CCDC68: variants seen among roughly 807,000 people sequenced by gnomAD.
The protein encoded by CCDC68 is coiled-coil domain containing 68, also known as coiled-coil domain-containing protein 68.
A neutral mutation model predicts 47.1 loss-of-function variants in CCDC68; 45 were observed. The ratio of observed to expected loss-of-function variants is 0.96; its 90% confidence interval spans 0.75 to 1.23. CCDC68 has a LOEUF of 1.23. CCDC68 is among the 50% of genes most tolerant of loss of function. The pLI is 0.00. For missense variants in CCDC68, 353 were observed against 373.6 expected (o/e 0.94, Z 0.45); for synonymous variants, 131 against 129.5 (o/e 1.01, Z -0.08).
Position 54,942,711 on chromosome 18 carries a change from G to T in CCDC68, c.81C>A (p.Ser27=). The T allele has an allele frequency of 6.2e-7, 1 of 1,609,030 alleles. No individual in the cohort carries two copies. The highest frequency in any genetic ancestry group is 8.5e-7 in the Non-Finnish European group (1 of 1,177,106). Residue 27 remains serine, a synonymous_variant, in exon 3 of 12, where the codon TCC becomes TCA. Transcript: ENST00000591504. ...EDNSALYEST[S]AHIIEETEYV... ...ACTCGGTTTCTTCAATAATGTGAGCGGACGTAGACTCATACAAGGCAGAAT... is the reference window on the plus strand; with the variant it reads ...ACTCGGTTTCTTCAATAATGTGAGCTGACGTAGACTCATACAAGGCAGAAT...
In CCDC68 at chr18:54,902,889, T is replaced by A. The variant is rs138656441; in HGVS notation, c.*1469A>T. 6.8e-4 allele frequency: 103 copies of A among 152,342 alleles called. No individual in the cohort carries two copies. The highest frequency in any genetic ancestry group is 2.3e-3 in the African/African-American group (95 of 41,584). 9.4% of individuals were successfully genotyped at this position (152,342 alleles called of 1,614,324 possible). A position where few individuals can be genotyped will look rare whatever the true frequency, so the allele number is the denominator to read the frequency against. On this transcript the variant is annotated 3_prime_UTR_variant, in exon 12 of 12. Coordinates refer to ENST00000591504, the MANE Select transcript of CCDC68 (RefSeq NM_025214.3). ...AGTATCTTTCTCTGTAAAACAGGAA[T>A]AATCTGCTTCTGAGGGCCTTGGGGA...
At chr18:54,935,868 T>C (rs183979952) in intron 6 of CCDC68, among the ~76,000 whole-genome samples, 1 of 152,130 alleles carries the variant, frequency 6.6e-6, no homozygotes, top group Admixed American at 6.6e-5. Context: ...TAGTTTTAAT[T>C]TTGGCAAACA....
At position 54,925,580 on chromosome 18, in the gene CCDC68, A is replaced by G. The variant is rs534610686; in HGVS notation, c.683+3220T>C. ...GCTCTAAGAGGCTACTTCTGGGTAC[A>G]CTACAGATTATAGAGGCATTGGAAA... is the stretch of plus-strand genomic sequence containing the variant. On this transcript the variant is annotated intron_variant, in intron 8 of 11. Transcript: ENST00000591504. Among the ~76,000 whole-genome samples the G allele has an allele frequency of 2.0e-5, 3 of 152,326 alleles. No homozygotes were observed. In the South Asian group the frequency reaches 6.2e-4, roughly 32 times the overall value.
chr18:54,932,974 C>T (rs2044288705), intron 7 of CCDC68, among the ~76,000 whole-genome samples: 1 of 152,142 alleles, frequency 6.6e-6, no homozygotes. Context: ...TGGTGGTGTT[C>T]AAATATTTGT....
intron 10 of CCDC68, among the ~76,000 whole-genome samples, chr18:54,912,498 G>A (rs1284900014): frequency 1.3e-5 from 2 of 152,134 alleles, no homozygotes; most frequent in Non-Finnish European, 1.5e-5. Flanking sequence ...TTGAAAGCTA[G>A]AAGTAAGGTA....
chr18:54,937,753 C>A, intron 5 of CCDC68: 1 of 410,804 alleles, frequency 2.4e-6, no homozygotes, highest in Non-Finnish European at 4.4e-6. Flanking sequence ...AAGATATTTT[C>A]AATAACAAAA....
At chr18:54,931,917 G>C (rs1325152178) in intron 7 of CCDC68, among the ~76,000 whole-genome samples, 1 of 152,086 alleles carries the variant, frequency 6.6e-6, no homozygotes, top group Non-Finnish European at 1.5e-5. Context: ...TCTCCAGGGG[G>C]CACCTACGAC....
intron 11 of CCDC68, among the ~76,000 whole-genome samples, chr18:54,906,069 T>G (rs1292302008): frequency 6.6e-6 from 1 of 152,176 alleles, no homozygotes; most frequent in Non-Finnish European, 1.5e-5. Flanking sequence ...TTATAATTAT[T>G]TTATTATACA....
intron 10 of CCDC68, among the ~76,000 whole-genome samples, chr18:54,913,352 A>AT (rs923708890): frequency 6.6e-6 from 1 of 152,208 alleles, no homozygotes. Context: ...TCTGATGATC[A>AT]TTTTTCATAA....
intron 1 of CCDC68, among the ~76,000 whole-genome samples, chr18:54,958,814 G>A (rs2044755039): frequency 2.6e-5 from 4 of 152,178 alleles, no homozygotes; most frequent in Non-Finnish European, 5.9e-5. Context: ...AAAAGGTCAA[G>A]CAATGGGCTG....
intron 10 of CCDC68, among the ~76,000 whole-genome samples, chr18:54,913,369 T>A (rs772887289): frequency 6.6e-6 from 1 of 152,214 alleles, no homozygotes; most frequent in Non-Finnish European, 1.5e-5. Flanking sequence ...ATAAACTGAA[T>A]CAGTTCCTCC....
chr18:54,936,263 A>C (rs1568152178), intron 6 of CCDC68, among the ~76,000 whole-genome samples: 1 of 145,428 alleles, frequency 6.9e-6, no homozygotes, highest in Non-Finnish European at 1.5e-5. Flanking sequence ...ATATTTAAAA[A>C]TATATAGTTA....
Position 54,921,990 on chromosome 18 carries a change from T to C in CCDC68, c.684-2614A>G, listed in dbSNP as rs111559665. ...AACAAGCAGTCCCCTTGTTTTTTTT[T>C]CCATGGTCCACGGCAGGAAGTGTTT... On this transcript the variant is annotated intron_variant, in intron 8 of 11. Transcript: ENST00000591504. Among the ~76,000 whole-genome samples the C allele has an allele frequency of 1.4e-3, 214 of 152,276 alleles. 1 individual carries two copies. The highest frequency in any genetic ancestry group is 4.9e-3 in the African/African-American group (202 of 41,550).
chr18:54,939,779 A>C (rs2044406756), intron 4 of CCDC68, among the ~76,000 whole-genome samples: 1 of 152,134 alleles, frequency 6.6e-6, no homozygotes, highest in Non-Finnish European at 1.5e-5. Flanking sequence ...GACTCCTGCT[A>C]AAGTGGCCTT....
chr18:54,959,253 AGGCACCTG>A (rs1345498441), intron 1 of CCDC68, 75 bp downstream of exon 1: 1 of 152,328 alleles, frequency 6.6e-6, no homozygotes, highest in African/African-American at 2.4e-5. Flanking sequence ...GCCGCTGGAA[AGGCACCTG>A]GACACCCACA....
At chr18:54,947,441 A>G (rs9950537) in intron 1 of CCDC68, among the ~76,000 whole-genome samples, 58,163 of 152,024 alleles carry the variant, frequency 0.38, 11,348 homozygotes, top group East Asian at 0.59. Context: ...TGAAGAAAGA[A>G]GGTTCCACAG....
At chr18:54,949,216 G>GA (rs1468284952) in intron 1 of CCDC68, among the ~76,000 whole-genome samples, 2 of 152,124 alleles carry the variant, frequency 1.3e-5, no homozygotes, top group Non-Finnish European at 2.9e-5. Context: ...GGCTGGTCTT[G>GA]AACTCCTGTG....
At position 54,934,956 on chromosome 18, in the gene CCDC68, C is replaced by T. The variant is rs1183134827; in HGVS notation, c.472-8G>A. On this transcript the variant is annotated splice_polypyrimidine_tract_variant and splice_region_variant and intron_variant, in intron 6 of 11. Transcript: ENST00000591504. The stretch of plus-strand genomic sequence containing the variant: ...TTTTTCAAGCTTGTTAACCTATGGT[C>T]AGAGAATCAGTTGTGTTGTGAAAAC... 1 of 1,572,244 alleles carries T rather than the reference C, an allele frequency of 6.4e-7. No homozygotes were observed. Among genetic ancestry groups the T allele is most frequent in the Admixed American group, 1.9e-5 (1 of 53,736 alleles).
chr18:54,924,130 T>G (rs1242403477), intron 8 of CCDC68, among the ~76,000 whole-genome samples: 2 of 152,170 alleles, frequency 1.3e-5, no homozygotes, highest in African/African-American at 4.8e-5. Context: ...ACATAATTTT[T>G]GATCATGTTT....
Sources: gnomAD v4.1 joint callset for allele counts (sites outside exome capture counted in the v4.1 genomes callset) on GRCh38, gnomAD v4.1.1 for gene constraint, MANE v1.5 for transcripts, NCBI Gene and HGNC (gene_info 2026-07-23, HGNC 2026-07-21) for gene names.